TTLL5: variants seen among roughly 807,000 people sequenced by gnomAD.
TTLL5 encodes the protein tubulin polyglutamylase TTLL5.
TTLL5 carries 132 observed loss-of-function variants against 168.4 expected under a neutral mutation model. The ratio of observed to expected loss-of-function variants is 0.78; its 90% CI spans 0.68 to 0.91. The LOEUF (loss-of-function observed/expected upper bound fraction) is 0.91, where lower values mean the gene tolerates loss of function less well. TTLL5 is among the 40% of genes least tolerant of loss of function. The pLI is 0.00. For synonymous variants in TTLL5, 546 were observed against 558.6 expected (o/e 0.98, Z 0.32); for missense variants, 1,545 against 1,581.5 (o/e 0.98, Z 0.39).
rs1345814371 is a variant in TTLL5 at position 75,938,369 on chromosome 14, A to T, written c.3824-16055A>T. 2.6e-5 allele frequency among the ~76,000 whole-genome samples: 4 copies of T among 152,086 alleles called. No homozygotes were observed. In the East Asian group the frequency reaches 7.7e-4, roughly 29 times the overall value. On this transcript the variant is annotated intron_variant, in intron 31 of 31. Coordinates refer to ENST00000298832, the MANE Select transcript of TTLL5 (RefSeq NM_015072.5). ...AGCAAGGTTCAAAGGATGGAGGAAA[A>T]GGAGCCAGTGGGGGAGCCCATGGAG... is the stretch of plus-strand genomic sequence containing the variant.
At chr14:75,783,816 TCA>T (rs1313753337) in intron 26 of TTLL5, among the ~76,000 whole-genome samples, 1 of 152,198 alleles carries the variant, frequency 6.6e-6, no homozygotes, top group Non-Finnish European at 1.5e-5. Context: ...AGATTTCCTG[TCA>T]CAGATAACCA....
chr14:75,804,029 G>T (rs1290550505), intron 27 of TTLL5, among the ~76,000 whole-genome samples: 1 of 152,194 alleles, frequency 6.6e-6, no homozygotes, highest in African/African-American at 2.4e-5. Flanking sequence ...CCAGGCGGGG[G>T]CTCCAGTGTG....
At chr14:75,925,891 A>C (rs138146973) in intron 31 of TTLL5, among the ~76,000 whole-genome samples, 5,975 of 152,056 alleles carry the variant, frequency 0.039, 386 homozygotes, top group African/African-American at 0.12. Context: ...CCACCAAAAA[A>C]GTACGAAAAC....
intron 5 of TTLL5, among the ~76,000 whole-genome samples, chr14:75,686,902 G>A (rs1414139937): frequency 3.9e-5 from 6 of 151,968 alleles, no homozygotes; most frequent in Non-Finnish European, 5.9e-5. Context: ...AAACACACAG[G>A]GGTCCTAAAA....
At chr14:75,695,190 T>C (rs779850349) in intron 6 of TTLL5, among the ~76,000 whole-genome samples, 16 of 152,202 alleles carry the variant, frequency 1.1e-4, no homozygotes, top group Non-Finnish European at 1.8e-4. Context: ...GTCCCTAAAA[T>C]GGCCACTCTA....
At chr14:75,817,932 G>A (rs1042638759) in intron 27 of TTLL5, among the ~76,000 whole-genome samples, 1 of 147,454 alleles carries the variant, frequency 6.8e-6, no homozygotes, top group Non-Finnish European at 1.5e-5. Context: ...CCACCTCCTG[G>A]GTTCACACCA....
chr14:75,692,952 G>A (rs1420097571), intron 6 of TTLL5, among the ~76,000 whole-genome samples: 1 of 152,124 alleles, frequency 6.6e-6, no homozygotes, highest in Non-Finnish European at 1.5e-5. Flanking sequence ...GGAGATGGGT[G>A]TGATTACTAA....
At chr14:75,720,774 A>G in intron 12 of TTLL5, 71 bp downstream of exon 12, 1 of 1,231,204 alleles carries the variant, frequency 8.1e-7, no homozygotes, top group South Asian at 1.2e-5. Flanking sequence ...ATTTTAGGGT[A>G]GAGAGGCTTA....
intron 28 of TTLL5, among the ~76,000 whole-genome samples, chr14:75,843,138 C>T (rs1896348527): frequency 6.6e-6 from 1 of 152,166 alleles, no homozygotes; most frequent in Non-Finnish European, 1.5e-5. Context: ...TGAGAACCTC[C>T]TTGTGACAGA....
chr14:75,818,467 T>C (rs996681321), intron 27 of TTLL5: 7 of 405,770 alleles, frequency 1.7e-5, no homozygotes, highest in Non-Finnish European at 2.8e-5. Flanking sequence ...AGCGTGTTCC[T>C]ATATCATTAT....
intron 28 of TTLL5, among the ~76,000 whole-genome samples, chr14:75,856,206 T>C (rs887373754): frequency 4.6e-5 from 7 of 152,072 alleles, no homozygotes; most frequent in African/African-American, 1.7e-4. Flanking sequence ...CTACTAAACA[T>C]ACAAAAATTA....
intron 6 of TTLL5, among the ~76,000 whole-genome samples, chr14:75,694,517 A>G (rs927039604): frequency 1.5e-4 from 23 of 152,062 alleles, no homozygotes; most frequent in African/African-American, 5.3e-4. Flanking sequence ...TGTTTTTAGT[A>G]GAGATGGGGT....
At chr14:75,748,727 G>T (rs1889762995) in intron 17 of TTLL5, among the ~76,000 whole-genome samples, 1 of 152,238 alleles carries the variant, frequency 6.6e-6, no homozygotes, top group Non-Finnish European at 1.5e-5. Flanking sequence ...TATCAGCAAT[G>T]CATAAGAGAG....
chr14:75,737,664 A>G lies in TTLL5; in HGVS notation c.1281+2375A>G. ...AATTTTATTTTCATTCTCCAAATGGAAAGTTTTTTAGCTTTAGTTTTTCAT... is the reference window on the plus strand; with the variant it reads ...AATTTTATTTTCATTCTCCAAATGGGAAGTTTTTTAGCTTTAGTTTTTCAT... On this transcript the variant is annotated intron_variant, in intron 15 of 31. Transcript: ENST00000298832. The G allele has an allele frequency of 8.7e-6, 13 of 1,499,940 alleles. No individual in the cohort carries two copies. The South Asian group carries it at 1.4e-4, about 16-fold the overall frequency. The allele number at this position is 1,499,940 out of a possible 1,614,324, so 92.9% of individuals were successfully genotyped here.
At position 75,735,262 on chromosome 14, in the gene TTLL5, C is replaced by T. The variant is rs753598292; in HGVS notation, c.1254C>T (p.Ser418=). ...TRPIYPTFES[S]RRNPFQKPQR... is the part of the protein sequence containing the mutation. ...CAATTTATCCCACCTTTGAGTCTTC[C>T]AGGCGAAACCCTTTCCAGAAACCTC... The change falls in exon 15 of 32, where the codon TCC becomes TCT. Residue 418 remains serine (S), a synonymous_variant. Coordinates refer to ENST00000298832, the MANE Select transcript of TTLL5 (RefSeq NM_015072.5). 2 of 1,614,214 alleles carry T rather than the reference C, an allele frequency of 1.2e-6. No individual in the cohort carries two copies. The highest frequency in any genetic ancestry group is 1.7e-6 in the Non-Finnish European group (2 of 1,179,992).
chr14:75,732,232 C>A, intron 12 of TTLL5, 106 bp from the exon 13 acceptor site: 1 of 841,366 alleles, frequency 1.2e-6, no homozygotes. Context: ...TACTTACACT[C>A]AGTGAGTTTC....
chr14:75,842,437 C>T (rs1896312198), intron 28 of TTLL5, among the ~76,000 whole-genome samples: 1 of 152,028 alleles, frequency 6.6e-6, no homozygotes, highest in Non-Finnish European at 1.5e-5. Flanking sequence ...TCCGTGGGCT[C>T]TTTATTTTCT....
At chr14:75,895,264 A>G (rs780973825) in intron 30 of TTLL5, among the ~76,000 whole-genome samples, 2 of 152,178 alleles carry the variant, frequency 1.3e-5, no homozygotes, top group Non-Finnish European at 2.9e-5. Flanking sequence ...ACTGTCTTCT[A>G]TTTTTTAACG....
intron 21 of TTLL5, among the ~76,000 whole-genome samples, chr14:75,775,255 T>G (rs1891649413): frequency 6.6e-6 from 1 of 152,218 alleles, no homozygotes. Flanking sequence ...ATACTTGATT[T>G]AAATTTTCTG....
Sources: gnomAD v4.1 joint callset for allele counts (sites outside exome capture counted in the v4.1 genomes callset) on GRCh38, gnomAD v4.1.1 for gene constraint, MANE v1.5 for transcripts, NCBI Gene and HGNC (gene_info 2026-07-23, HGNC 2026-07-21) for gene names.